The following SOX13 variants were observed in gnomAD, a reference collection of about 807,000 sequenced individuals.
SOX13 encodes SRY-box transcription factor 13, also known as transcription factor SOX-13.
In SOX13, 28 loss-of-function variants were observed where a neutral mutation model predicts 71.8. That is an observed-to-expected ratio of 0.39 (90% CI 0.29 to 0.53). The LOEUF is 0.53. SOX13 is among the 20% of genes least tolerant of loss of function. The pLI is 0.70. For synonymous variants in SOX13, 309 were observed against 317.8 expected (o/e 0.97, Z 0.29); for missense variants, 627 against 810.3 (o/e 0.77, Z 2.75).
At chr1:204,087,277 C>T (rs1656044221) in intron 1 of SOX13, among the ~76,000 whole-genome samples, 1 of 152,230 alleles carries the variant, frequency 6.6e-6, no homozygotes, top group Non-Finnish European at 1.5e-5. Context: ...TGCCCATCAC[C>T]TGGGTAGATA....
In SOX13 at chr1:204,114,625, G is replaced by C. The variant is rs562178721; in HGVS notation, c.418+20G>C. On this transcript the variant is annotated intron_variant, in intron 4 of 13. Transcript: ENST00000367204. ...TCAAAGGTGAAGGCCTGTTGGGGGT[G>C]GGGGAGATGTTTGAACCCCATCTCT... is the stretch of plus-strand genomic sequence containing the variant. 4 of 1,583,106 alleles carry C rather than the reference G, an allele frequency of 2.5e-6. No homozygotes were observed. Among genetic ancestry groups the C allele is most frequent in the African/African-American group, 2.7e-5 (2 of 74,384 alleles).
chr1:204,087,854 A>AG (rs2102228607), intron 1 of SOX13, among the ~76,000 whole-genome samples: 1 of 152,346 alleles, frequency 6.6e-6, no homozygotes, highest in South Asian at 2.1e-4. Flanking sequence ...TTGGAAGGGC[A>AG]GGGAGCATCT....
intron 1 of SOX13, among the ~76,000 whole-genome samples, chr1:204,106,851 T>C (rs1206002861): frequency 6.6e-6 from 1 of 152,216 alleles, no homozygotes; most frequent in African/African-American, 2.4e-5. Context: ...CCAATTGTGA[T>C]AAATACTTTT....
At chr1:204,086,954 A>G (rs1249262551) in intron 1 of SOX13, among the ~76,000 whole-genome samples, 3 of 146,460 alleles carry the variant, frequency 2.0e-5, no homozygotes, top group Non-Finnish European at 4.5e-5. Flanking sequence ...ACGGAGTCTC[A>G]CTCTGTCACC....
intron 1 of SOX13, among the ~76,000 whole-genome samples, chr1:204,097,693 CAAAAAAA>C (rs35230746): frequency 1.4e-5 from 1 of 69,986 alleles, no homozygotes; most frequent in Non-Finnish European, 3.2e-5. Flanking sequence ...AACTCCGTCT[CAAAAAAA>C]AAAAAAAAGA....
At chr1:204,080,070 T>A (rs1655871570) in intron 1 of SOX13, among the ~76,000 whole-genome samples, 1 of 152,016 alleles carries the variant, frequency 6.6e-6, no homozygotes, top group Non-Finnish European at 1.5e-5. Flanking sequence ...TTGTGTGGCA[T>A]AGTAGAGGAA....
At position 204,122,686 on chromosome 1, in the gene SOX13, C is replaced by A; in HGVS notation, c.1025-168C>A. ...TAACTAGCCAGTGTAAGTGGCATAT[C>A]CCTGAGGACATGCAATGCAGCCGCC... is the stretch of plus-strand genomic sequence containing the variant. On this transcript the variant is annotated intron_variant, in intron 9 of 13. Coordinates refer to ENST00000367204, the MANE Select transcript of SOX13 (RefSeq NM_005686.3). 9.8e-6 allele frequency: 6 copies of A among 614,646 alleles called. No individual in the cohort carries two copies. In the South Asian group the frequency reaches 1.2e-4, roughly 12 times the overall value. The allele number at this position is 614,646 out of a possible 1,614,324, so 38.1% of individuals were successfully genotyped here. A position where few individuals can be genotyped will look rare whatever the true frequency, so the allele number is the denominator to read the frequency against.
chr1:204,106,820 A>C (rs1361163816), intron 1 of SOX13, among the ~76,000 whole-genome samples: 1 of 152,086 alleles, frequency 6.6e-6, no homozygotes, highest in African/African-American at 2.4e-5. Context: ...AAAATAAATT[A>C]AGCGTGTAAA....
intron 1 of SOX13, among the ~76,000 whole-genome samples, chr1:204,079,243 G>A (rs1050678931): frequency 6.6e-6 from 1 of 151,072 alleles, no homozygotes; most frequent in Non-Finnish European, 1.5e-5. Flanking sequence ...TCGAGCCACT[G>A]CACTCCAGCC....
intron 1 of SOX13, among the ~76,000 whole-genome samples, chr1:204,104,809 TTATCTC>T (rs1350758373): frequency 6.6e-6 from 1 of 152,178 alleles, no homozygotes; most frequent in Non-Finnish European, 1.5e-5. Context: ...TGACTGGAAT[TTATCTC>T]TATCTTTATC....
intron 1 of SOX13, among the ~76,000 whole-genome samples, chr1:204,111,850 C>T (rs528351896): frequency 1.2e-4 from 18 of 152,176 alleles, no homozygotes; most frequent in African/African-American, 3.6e-4. Context: ...CGGCTATTTC[C>T]CCCCGTGTGA....
intron 1 of SOX13, among the ~76,000 whole-genome samples, chr1:204,075,634 A>G (rs1655772202): frequency 6.6e-6 from 1 of 152,150 alleles, no homozygotes; most frequent in Non-Finnish European, 1.5e-5. Flanking sequence ...CTGGATCATT[A>G]AGGGCCAAAT....
At chr1:204,083,214 G>C (rs542099787) in intron 1 of SOX13, among the ~76,000 whole-genome samples, 105 of 152,260 alleles carry the variant, frequency 6.9e-4, no homozygotes, top group Admixed American at 1.6e-3. Context: ...GAGAGGGTCT[G>C]TTGGACTGTT....
At chr1:204,104,719 G>A (rs867460156) in intron 1 of SOX13, among the ~76,000 whole-genome samples, 9 of 152,256 alleles carry the variant, frequency 5.9e-5, no homozygotes, top group Non-Finnish European at 7.3e-5. Context: ...GGGAAGTGTA[G>A]CCATTGGCCC....
At chr1:204,089,847 G>A (rs1225555237) in intron 1 of SOX13, among the ~76,000 whole-genome samples, 14 of 152,202 alleles carry the variant, frequency 9.2e-5, no homozygotes, top group Admixed American at 9.2e-4. Flanking sequence ...CACGTAAGTT[G>A]GTCTCATTCT....
At chr1:204,103,135 A>C (rs1656394007) in intron 1 of SOX13, among the ~76,000 whole-genome samples, 1 of 152,226 alleles carries the variant, frequency 6.6e-6, no homozygotes, top group Non-Finnish European at 1.5e-5. Flanking sequence ...TCTCTTACTC[A>C]CAAAATAGTT....
Position 204,124,808 on chromosome 1 carries a change from G to C in SOX13, c.1543G>C (p.Ala515Pro), listed in dbSNP as rs974990064. 6.3e-7 allele frequency: 1 copy of C among 1,591,220 alleles called. No homozygotes were observed. ...GKRLRVGEYKALMRTRRQDAR... is the reference protein window; with the variant it reads ...GKRLRVGEYKPLMRTRRQDAR... ...GCGGCTGCGCGTGGGAGAGTACAAG[G>C]CCCTGATGAGGACCCGGCGTCAGGA... Residue 515 changes from alanine (A) to proline (P), a missense_variant, in exon 13 of 14, where the codon GCC becomes CCC. By Grantham distance (27) the Ala-to-Pro change is conservative. Around this residue, in one of 3 missense-constraint regions of SOX13, gnomAD observed 148 missense variants for 192.7 expected, o/e 0.77. Coordinates refer to ENST00000367204, the MANE Select transcript of SOX13 (RefSeq NM_005686.3).
At chr1:204,124,585 TG>T (rs1656878911) in intron 12 of SOX13, 55 bp from the exon 13 acceptor site, 3 of 1,469,892 alleles carry the variant, frequency 2.0e-6, no homozygotes, top group Non-Finnish European at 2.8e-6. Flanking sequence ...TGCATGGGGC[TG>T]GGGGTGGTCA....
chr1:204,080,621 C>G, intron 1 of SOX13, among the ~76,000 whole-genome samples: 1 of 152,114 alleles, frequency 6.6e-6, no homozygotes, highest in East Asian at 1.9e-4. Context: ...AACTAGTTCC[C>G]AGAGGGCCTT....
Sources: gnomAD v4.1 joint callset for allele counts (sites outside exome capture counted in the v4.1 genomes callset) on GRCh38, gnomAD v4.1.1 for gene constraint, gnomAD v4.1.1 regional missense constraint, MANE v1.5 for transcripts, NCBI Gene and HGNC (gene_info 2026-07-23, HGNC 2026-07-21) for gene names.